Variants in RIN3 observed in about 807,000 individuals in gnomAD.
RIN3 encodes RAB5 interacting protein 3.
Under a neutral mutation model 76.3 loss-of-function variants are expected in RIN3, and 54 were observed. The observed-to-expected ratio is 0.71, with a 90% CI of 0.57 to 0.89. The LOEUF (loss-of-function observed/expected upper bound fraction) is 0.89, where lower values mean the gene tolerates loss of function less well. Ranked by LOEUF, RIN3 falls within the 40% of genes least tolerant of loss-of-function variation. RIN3 has a pLI of 0.00. For missense variants in RIN3, 1,256 were observed against 1,322.1 expected, an observed-to-expected ratio of 0.95 and a Z score of 0.78; for synonymous variants, 576 against 564.0, an observed-to-expected ratio of 1.02 and a Z score of -0.30.
At chr14:92,604,909 C>CT (rs148326639) in intron 3 of RIN3, among the ~76,000 whole-genome samples, 1,002 of 89,878 alleles carry the variant, frequency 0.011, 32 homozygotes, top group Non-Finnish European at 0.015. Context: ...CCATTTTCCT[C>CT]TTTTTTTTTT....
At chr14:92,641,107 G>C (rs1595476488) in intron 4 of RIN3, 131 bp from the exon 5 acceptor site, 1 of 689,874 alleles carries the variant, frequency 1.4e-6, no homozygotes, top group Non-Finnish European at 2.6e-6. Context: ...CTGCCCCTCA[G>C]CTCCAGGGAA....
chr14:92,640,861 T>G (rs1886983742), intron 4 of RIN3, among the ~76,000 whole-genome samples: 1 of 152,146 alleles, frequency 6.6e-6, no homozygotes, highest in African/African-American at 2.4e-5. Context: ...CCTGACTGTG[T>G]GCTCACTGCA....
At chr14:92,563,276 G>A (rs889164027) in intron 2 of RIN3, among the ~76,000 whole-genome samples, 13 of 152,238 alleles carry the variant, frequency 8.5e-5, no homozygotes, top group Middle Eastern at 3.4e-3. Flanking sequence ...CAGGAGAATC[G>A]CTTGAACCCG....
chr14:92,682,564 A>G (rs1888704333), intron 8 of RIN3, among the ~76,000 whole-genome samples: 1 of 152,194 alleles, frequency 6.6e-6, no homozygotes, highest in African/African-American at 2.4e-5. Context: ...TGTGATCAGA[A>G]GACAGCTGCA....
intron 3 of RIN3, among the ~76,000 whole-genome samples, chr14:92,607,251 C>T (rs1176173674): frequency 6.6e-6 from 1 of 152,166 alleles, no homozygotes; most frequent in Non-Finnish European, 1.5e-5. Context: ...GTAGGGATAA[C>T]ATTAAAGGCT....
chr14:92,679,596 G>A (rs1888594598), intron 8 of RIN3, among the ~76,000 whole-genome samples: 1 of 152,210 alleles, frequency 6.6e-6, no homozygotes, highest in South Asian at 2.1e-4. Flanking sequence ...AGGGGCAAGG[G>A]TGAGGTGGTG....
chr14:92,647,253 C>T (rs955396089), intron 5 of RIN3, among the ~76,000 whole-genome samples: 4 of 152,124 alleles, frequency 2.6e-5, no homozygotes, highest in East Asian at 1.9e-4. Context: ...AGTCCAAATT[C>T]GGACTTGGAA....
chr14:92,649,180 G>A (rs182368963), intron 5 of RIN3, among the ~76,000 whole-genome samples: 18 of 152,314 alleles, frequency 1.2e-4, no homozygotes, highest in Admixed American at 7.2e-4. Flanking sequence ...GGCTACAGCC[G>A]TGATCTGGGT....
At chr14:92,679,836 A>G (rs1888600782) in intron 8 of RIN3, among the ~76,000 whole-genome samples, 1 of 152,186 alleles carries the variant, frequency 6.6e-6, no homozygotes, top group Admixed American at 6.5e-5. Context: ...AGCAGTTTGG[A>G]GGCTGGATTT....
chr14:92,610,181 G>A (rs12887586), intron 3 of RIN3, among the ~76,000 whole-genome samples: 75,681 of 151,888 alleles, frequency 0.5, 19,690 homozygotes, highest in Admixed American at 0.61. Flanking sequence ...GTGTTGTGTA[G>A]CAGCGTGAAT....
intron 1 of RIN3, among the ~76,000 whole-genome samples, chr14:92,527,497 G>T (rs1276699550): frequency 6.6e-6 from 1 of 152,084 alleles, no homozygotes; most frequent in Non-Finnish European, 1.5e-5. Context: ...TACATCTTTT[G>T]GGGGGATGTG....
chr14:92,653,360 G>A (rs1887545776), intron 6 of RIN3, among the ~76,000 whole-genome samples: 1 of 152,172 alleles, frequency 6.6e-6, no homozygotes, highest in African/African-American at 2.4e-5. Flanking sequence ...CTGCCATGGG[G>A]GACAAAGACT....
At chr14:92,675,785 G>A (rs1488786979) in intron 7 of RIN3, among the ~76,000 whole-genome samples, 1 of 152,192 alleles carries the variant, frequency 6.6e-6, no homozygotes, top group African/African-American at 2.4e-5. Context: ...ACACTGGGGA[G>A]GTATCTTTCG....
At chr14:92,576,473 C>A in intron 2 of RIN3, 1 of 1,193,834 alleles carries the variant, frequency 8.4e-7, no homozygotes, top group Non-Finnish European at 1.1e-6. Flanking sequence ...AGAAGCAAGT[C>A]TTCCTGCTCA....
intron 1 of RIN3, among the ~76,000 whole-genome samples, chr14:92,542,651 A>G (rs1897154474): frequency 6.6e-6 from 1 of 152,248 alleles, no homozygotes; most frequent in South Asian, 2.1e-4. Context: ...AATATCCCCA[A>G]ATTGGAAACT....
At chr14:92,624,505 G>A (rs1400363094) in intron 4 of RIN3, among the ~76,000 whole-genome samples, 2 of 152,178 alleles carry the variant, frequency 1.3e-5, no homozygotes, top group Admixed American at 1.3e-4. Context: ...AATCCTGTGA[G>A]GGGACCCAAT....
intron 1 of RIN3, among the ~76,000 whole-genome samples, chr14:92,516,578 G>A (rs1225768494): frequency 6.6e-6 from 1 of 152,130 alleles, no homozygotes; most frequent in East Asian, 1.9e-4. Flanking sequence ...TGATGCACAG[G>A]AGCAAAGGGT....
At chr14:92,544,414 T>TGGGGGGGGGGGGGGGGGGGGGGGGGG (rs71123353) in intron 1 of RIN3, among the ~76,000 whole-genome samples, 9 of 74,544 alleles carry the variant, frequency 1.2e-4, no homozygotes, top group East Asian at 6.1e-4. Flanking sequence ...GTGACAGCTG[T>TGGGGGGGGGGGGGGGGGGGGGGGGGG]GGGGGGGGGG....
intron 7 of RIN3, among the ~76,000 whole-genome samples, chr14:92,666,783 G>T (rs868203648): frequency 9.9e-5 from 15 of 152,034 alleles, no homozygotes; most frequent in African/African-American, 3.6e-4. Flanking sequence ...GACGGTAGGG[G>T]TGCAGTTTGG....
Sources: allele counts gnomAD v4.1 joint callset (sites outside exome capture counted in the v4.1 genomes callset), GRCh38; gene constraint gnomAD v4.1.1; transcripts MANE v1.5; gene names NCBI Gene and HGNC (gene_info 2026-07-23, HGNC 2026-07-21).